Variants in PRMT1 observed in about 807,000 individuals in gnomAD.
PRMT1 encodes the protein protein arginine N-methyltransferase 1.
In PRMT1, 5 loss-of-function variants were observed where a neutral mutation model predicts 47.4. That is an observed-to-expected ratio of 0.11 (90% confidence interval 0.06 to 0.22). PRMT1 has a LOEUF of 0.22. PRMT1 is among the 10% of genes least tolerant of loss of function. The probability of loss-of-function intolerance (pLI) is 1.00; values close to 1 mark genes in which losing one functional copy is unlikely to be tolerated. For synonymous variants in PRMT1, 227 were observed against 204.6 expected (o/e 1.11, Z -0.94); for missense variants, 249 against 518.4 (o/e 0.48, Z 5.05).
chr19:49,687,970 G>A (rs1396439844), intron 10 of PRMT1, 192 bp from the exon 11 acceptor site: 4 of 636,628 alleles, frequency 6.3e-6, no homozygotes, highest in Non-Finnish European at 1.1e-5. Flanking sequence ...TAGTGGGCTT[G>A]GGGGTGTCCA....
chr19:49,686,654 G>A lies in PRMT1; in HGVS notation c.960G>A (p.Glu320=). 6.2e-7 allele frequency: 1 copy of A among 1,612,548 alleles called. No homozygotes were observed. The highest frequency in any genetic ancestry group is 8.5e-7 in the Non-Finnish European group (1 of 1,179,690). ...GGAAGCAGACGGTGTTCTACATGGA[G>A]GACTACCTGACCGTGAAGACGGGCG... ...THWKQTVFYM[E]DYLTVKTGEE... is the part of the protein sequence containing the mutation. The change falls in exon 10 of 11, where the codon GAG becomes GAA. Residue 320 remains glutamate (E), a synonymous_variant. Transcript: ENST00000454376.
chr19:49,681,056 A>AT lies in PRMT1; in HGVS notation c.192+474dup, dbSNP rs1568485916. 1.3e-5 allele frequency among the ~76,000 whole-genome samples: 2 copies of AT among 152,174 alleles called. No homozygotes were observed. The highest frequency in any genetic ancestry group is 1.9e-4 in the East Asian group (1 of 5,194). ...GTGGCAAAATATGCATAAAATTGCC[A>AT]TTTTTTATTTTTAGAGACGGTCTCG... On this transcript the variant is annotated intron_variant, in intron 3 of 10. Transcript: ENST00000454376. This position sits in a 1 kb window ranked among gnomAD's most constrained non-coding sequence, Gnocchi z 4.4.
In PRMT1 at chr19:49,679,627, G is replaced by T. The variant is rs766619266; in HGVS notation, c.37-245G>T. 7.2e-6 allele frequency: 5 copies of T among 696,968 alleles called. No individual in the cohort carries two copies. The East Asian group carries it at 1.1e-4, about 15-fold the overall frequency. 43.2% of individuals were successfully genotyped at this position (696,968 alleles called of 1,614,324 possible). A position where few individuals can be genotyped will look rare whatever the true frequency, so the allele number is the denominator to read the frequency against. On this transcript the variant is annotated intron_variant, in intron 1 of 10. Coordinates refer to ENST00000454376, the MANE Select transcript of PRMT1 (RefSeq NM_001536.6). ...TCAGCTGCCTGGCCAGAGAGGGGCA[G>T]CGTGGGGGTGGGCCACCATCTCTCC...
chr19:49,677,514 G>A (rs925427068), intron 1 of PRMT1, 198 bp downstream of exon 1: 2 of 428,690 alleles, frequency 4.7e-6, no homozygotes, highest in Non-Finnish European at 8.0e-6. Flanking sequence ...TCGGCATCCG[G>A]CCTAGCGGAG....
chr19:49,682,968 A>G (rs1321877188), intron 5 of PRMT1, among the ~76,000 whole-genome samples: 2 of 151,610 alleles, frequency 1.3e-5, no homozygotes, highest in African/African-American at 4.8e-5. Context: ...TTGTTTTTTT[A>G]GTAGAGACGG....
chr19:49,677,044 C>G (rs1314348165), upstream of PRMT1: 1 of 398,432 alleles, frequency 2.5e-6, no homozygotes, highest in Non-Finnish European at 4.4e-6. Flanking sequence ...CATCCCGGGT[C>G]GACTTGAGGG....
rs2082107266 is a variant in PRMT1, at chr19:49,680,816, C to T, written c.192+228C>T. 6.6e-6 allele frequency among the ~76,000 whole-genome samples: 1 copy of T among 152,236 alleles called. No homozygotes were observed. The highest frequency in any genetic ancestry group is 1.5e-5 in the Non-Finnish European group (1 of 68,030). On this transcript the variant is annotated intron_variant, in intron 3 of 10. Transcript: ENST00000454376. This position sits in a 1 kb window ranked among gnomAD's most constrained non-coding sequence, Gnocchi z 4.2. ...CGCGCCGAAGGCTGGGGTGGGAGAG[C>T]GCATGCGTGCCTGGGGCCTTAGCCA... is the stretch of plus-strand genomic sequence containing the variant.
At chr19:49,676,237 C>T (rs1391179201), upstream of PRMT1, 2 of 152,290 alleles carry the variant, frequency 1.3e-5, no homozygotes, top group African/African-American at 4.8e-5. Context: ...AAAGAGCGAG[C>T]TCATTCCGGG....
intron 5 of PRMT1, among the ~76,000 whole-genome samples, chr19:49,683,077 T>A (rs1241946270): frequency 3.4e-5 from 5 of 147,412 alleles, no homozygotes; most frequent in African/African-American, 1.2e-4. Context: ...GGTGTGAACT[T>A]TTTTTTTTTT....
In PRMT1 at chr19:49,688,318, C is replaced by G; in HGVS notation, c.*73C>G. On this transcript the variant is annotated 3_prime_UTR_variant, in exon 11 of 11. Transcript: ENST00000454376. This position sits in a 1 kb window ranked among gnomAD's most constrained non-coding sequence, Gnocchi z 5.3. Reference sequence around the variant, plus strand: ...GGCGGTTTCGGGGCTCCCCCTTCCTCTCCCTCCCTCCCGCAGAAGGGGGTT... The same window carrying G: ...GGCGGTTTCGGGGCTCCCCCTTCCTGTCCCTCCCTCCCGCAGAAGGGGGTT... 1 of 1,442,804 alleles carries G rather than the reference C, an allele frequency of 6.9e-7. No individual in the cohort carries two copies. The allele number at this position is 1,442,804 out of a possible 1,614,324, so 89.4% of individuals were successfully genotyped here. A position where few individuals can be genotyped will look rare whatever the true frequency, so the allele number is the denominator to read the frequency against.
chr19:49,682,733 G>A (rs1039279072), intron 5 of PRMT1, among the ~76,000 whole-genome samples: 4 of 151,444 alleles, frequency 2.6e-5, no homozygotes, highest in African/African-American at 7.3e-5. Flanking sequence ...AGGATGTTGC[G>A]GCATCCGCTC....
intron 1 of PRMT1, among the ~76,000 whole-genome samples, chr19:49,679,049 A>C (rs142297031): frequency 0.011 from 1,658 of 151,866 alleles, 26 homozygotes; most frequent in African/African-American, 0.039. Flanking sequence ...AGGCCCAGCT[A>C]ATTTTTGTAT....
At chr19:49,677,438 G>T in intron 1 of PRMT1, 122 bp downstream of exon 1, 2 of 821,870 alleles carry the variant, frequency 2.4e-6, no homozygotes, top group South Asian at 6.9e-5. Context: ...CCGCACACGG[G>T]GGCGCCGCAC....
rs1046594342 is a variant in PRMT1 at position 49,687,999 on chromosome 19, C to T, written c.1033-163C>T. On this transcript the variant is annotated intron_variant, in intron 10 of 10. Transcript: ENST00000454376. ...GTGTCCATGTGGTGCTGTCCCTTGG[C>T]AGGGTCAGGGCAGCTGCTAGGGTGG... is the stretch of plus-strand genomic sequence containing the variant. The T allele has an allele frequency of 2.3e-5, 16 of 688,556 alleles. No individual in the cohort carries two copies. The Admixed American group carries it at 2.6e-4, about 11-fold the overall frequency. 42.7% of individuals were successfully genotyped at this position (688,556 alleles called of 1,614,324 possible). A position where few individuals can be genotyped will look rare whatever the true frequency, so the allele number is the denominator to read the frequency against.
Position 49,685,638 on chromosome 19 carries a change from G to C in PRMT1, c.760-455G>C. On this transcript the variant is annotated intron_variant, in intron 8 of 10. Coordinates refer to ENST00000454376, the MANE Select transcript of PRMT1 (RefSeq NM_001536.6). The surrounding 1 kb of genome is among the most constrained non-coding windows in gnomAD (Gnocchi z 4.7). ...CTGACCGGGGGATCCTGTCGGGGAG[G>C]AGTAAGTTGTTGAGTGGGGGAGGAG... 1 of 1,021,322 alleles carries C rather than the reference G, an allele frequency of 9.8e-7. No individual in the cohort carries two copies. Among genetic ancestry groups the C allele is most frequent in the Non-Finnish European group, 1.2e-6 (1 of 851,984 alleles). The allele number at this position is 1,021,322 out of a possible 1,614,324, so 63.3% of individuals were successfully genotyped here.
At chr19:49,678,877 A>C (rs1181965487) in intron 1 of PRMT1, among the ~76,000 whole-genome samples, 1 of 147,536 alleles carries the variant, frequency 6.8e-6, no homozygotes, top group Admixed American at 6.7e-5. Context: ...TGACTCCCCA[A>C]GCCACTTTTT....
At position 49,685,875 on chromosome 19, in the gene PRMT1, G is replaced by C. The variant is rs919189168; in HGVS notation, c.760-218G>C. On this transcript the variant is annotated intron_variant, in intron 8 of 10. Transcript: ENST00000454376. This position sits in a 1 kb window ranked among gnomAD's most constrained non-coding sequence, Gnocchi z 4.7. The stretch of plus-strand genomic sequence containing the variant: ...CACTGCCAGGTTTGGGTGTTGGAGA[G>C]GAGGGAGCAAGGAATCTGGGCTCGA... 1.4e-6 allele frequency: 2 copies of C among 1,395,538 alleles called. No individual in the cohort carries two copies. Among genetic ancestry groups the C allele is most frequent in the African/African-American group, 2.9e-5 (2 of 68,860 alleles). 86.4% of individuals were successfully genotyped at this position (1,395,538 alleles called of 1,614,324 possible).
At position 49,686,719 on chromosome 19, in the gene PRMT1, A is replaced by G; in HGVS notation, c.1025A>G (p.Lys342Arg). The G allele has an allele frequency of 6.2e-7, 1 of 1,606,782 alleles. No individual in the cohort carries two copies. The highest frequency in any genetic ancestry group is 8.5e-7 in the Non-Finnish European group (1 of 1,176,056). The part of the protein sequence containing the change: ...FGTIGMRPNA[K>R]NNRDLDFTID... ...ACCATCGGCATGCGGCCCAACGCCA[A>G]GAACAACGTGAGGCTCCGGGCAGCT... Residue 342 changes from lysine to arginine, a missense_variant, in exon 10 of 11, where the codon AAG (lysine) becomes AGG (arginine). Lys to Arg is a conservative substitution (Grantham distance 26). Transcript: ENST00000454376.
In PRMT1 at chr19:49,679,909, A is replaced by T. The variant is rs1341666701; in HGVS notation, c.74A>T (p.Gln25Leu). 1 of 1,612,764 alleles carries T rather than the reference A, an allele frequency of 6.2e-7. No homozygotes were observed. Among genetic ancestry groups the T allele is most frequent in the East Asian group, 2.2e-5 (1 of 44,886 alleles). The change falls in exon 2 of 11, where the codon CAG becomes CTG. Residue 25 changes from glutamine to leucine, a missense_variant. Physicochemically the swap from Gln to Leu is moderately radical, Grantham distance 113 (BLOSUM62 -2). Coordinates refer to ENST00000454376, the MANE Select transcript of PRMT1 (RefSeq NM_001536.6). Reference protein sequence around the residue: ...VATLANGMSLQPPLEEVSCGQ... With the variant: ...VATLANGMSLLPPLEEVSCGQ... ...ACCTTGGCTAATGGGATGAGCCTCC[A>T]GCCGCCTCTTGAAGAAGTAAATATC...
Sources: allele counts gnomAD v4.1 joint callset (sites outside exome capture counted in the v4.1 genomes callset), GRCh38; gene constraint gnomAD v4.1.1; non-coding constraint Gnocchi (gnomAD v3.1); transcripts MANE v1.5; gene names NCBI Gene and HGNC (gene_info 2026-07-23, HGNC 2026-07-21).